Variants in COG5 observed in about 807,000 individuals in gnomAD.
COG5 encodes conserved oligomeric Golgi complex subunit 5.
Under a neutral mutation model 110.4 loss-of-function variants are expected in COG5, and 86 were observed. That is an observed-to-expected ratio of 0.78 (90% confidence interval 0.65 to 0.93). COG5 has a LOEUF of 0.93. COG5 is among the 40% of genes least tolerant of loss of function. The probability of loss-of-function intolerance (pLI) is 0.00; values close to 1 mark genes in which losing one functional copy is unlikely to be tolerated. For synonymous variants in COG5, 360 were observed against 334.6 expected (o/e 1.08, Z -0.83); for missense variants, 1,077 against 987.0 (o/e 1.09, Z -1.22).
At chr7:107,317,387 A>C (rs1808853135) in intron 11 of COG5, among the ~76,000 whole-genome samples, 1 of 152,212 alleles carries the variant, frequency 6.6e-6, no homozygotes, top group Non-Finnish European at 1.5e-5. Context: ...TTGAGTATTC[A>C]GCAAAGCACT....
intron 6 of COG5, among the ~76,000 whole-genome samples, chr7:107,439,464 A>G (rs1794577703): frequency 1.3e-5 from 2 of 152,116 alleles, no homozygotes; most frequent in African/African-American, 2.4e-5. Flanking sequence ...TTTTCTAAAT[A>G]CATTACTTTT....
intron 6 of COG5, among the ~76,000 whole-genome samples, chr7:107,485,673 T>C (rs1797618048): frequency 6.6e-6 from 1 of 152,076 alleles, no homozygotes; most frequent in Non-Finnish European, 1.5e-5. Context: ...CTGAAAAAAA[T>C]TATAAAAGCA....
intron 11 of COG5, among the ~76,000 whole-genome samples, chr7:107,306,391 T>C (rs931668251): frequency 1.3e-5 from 2 of 152,144 alleles, no homozygotes; most frequent in Admixed American, 6.6e-5. Context: ...CTAAAGCTAA[T>C]TGTAAATAAA....
chr7:107,554,438 G>A (rs925387587), intron 2 of COG5, 96 bp from the exon 3 acceptor site: 19 of 1,090,864 alleles, frequency 1.7e-5, no homozygotes, highest in Middle Eastern at 2.0e-4. Flanking sequence ...GTGTAGAAAC[G>A]AGGCAAATAC....
chr7:107,203,587 C>T lies in COG5; in HGVS notation c.2419G>A (p.Gly807Ser). Residue 807 changes from glycine to serine, a missense_variant, in exon 22 of 22, where the codon GGC becomes AGC. Gly to Ser is a moderately conservative substitution (Grantham distance 56, BLOSUM62 0). Coordinates refer to ENST00000297135, the MANE Select transcript of COG5 (RefSeq NM_006348.5). Reference sequence around the variant, plus strand: ...GGATAAACTGGTGCAAATTCTTTGCCTTCTCTACTTCTCACTGATTGAACA... The same window carrying T: ...GGATAAACTGGTGCAAATTCTTTGCTTTCTCTACTTCTCACTGATTGAACA... ...AYVQSVRSREGKEFAPVYPIM... is the reference protein window; with the variant it reads ...AYVQSVRSRESKEFAPVYPIM... 6.2e-7 allele frequency: 1 copy of T among 1,614,096 alleles called. No homozygotes were observed. Among genetic ancestry groups the T allele is most frequent in the South Asian group, 1.1e-5 (1 of 91,084 alleles).
In COG5 at chr7:107,556,588, C is replaced by T. The variant is rs559876735; in HGVS notation, c.234+1388G>A. ...TGAGAACTCTAGACAAAACTAAATA[C>T]ATTATCCCCGCTCTCATAAACAACT... On this transcript the variant is annotated intron_variant, in intron 2 of 21. Transcript: ENST00000297135. Among the ~76,000 whole-genome samples, 11 of 152,284 alleles carry T rather than the reference C, an allele frequency of 7.2e-5. No individual in the cohort carries two copies. In the East Asian group the frequency reaches 1.3e-3, roughly 19 times the overall value.
At chr7:107,376,809 C>A (rs1007735185) in intron 7 of COG5, among the ~76,000 whole-genome samples, 3 of 151,922 alleles carry the variant, frequency 2.0e-5, no homozygotes, top group Admixed American at 2.0e-4. Context: ...AAGATACTGG[C>A]TTGCTAAGAG....
intron 3 of COG5, among the ~76,000 whole-genome samples, chr7:107,551,400 AT>A (rs904510446): frequency 6.6e-6 from 1 of 152,212 alleles, no homozygotes; most frequent in Admixed American, 6.5e-5. Context: ...TAAAAAGAAC[AT>A]TTTTAAATAA....
intron 7 of COG5, among the ~76,000 whole-genome samples, chr7:107,395,023 A>G (rs1163014430): frequency 6.6e-6 from 1 of 152,240 alleles, no homozygotes; most frequent in Admixed American, 6.5e-5. Flanking sequence ...AAATTCTGCA[A>G]AGTGACTCAG....
chr7:107,332,615 A>G (rs1403699051), intron 10 of COG5, among the ~76,000 whole-genome samples: 1 of 152,130 alleles, frequency 6.6e-6, no homozygotes, highest in African/African-American at 2.4e-5. Context: ...ACATGGTCTG[A>G]GAAGTGGGCA....
At chr7:107,555,752 C>A (rs554416539) in intron 2 of COG5, among the ~76,000 whole-genome samples, 2 of 152,030 alleles carry the variant, frequency 1.3e-5, no homozygotes, top group Non-Finnish European at 2.9e-5. Context: ...TGGCTCACAC[C>A]TGTAATCCCA....
At chr7:107,323,814 C>T (rs542686308) in intron 11 of COG5, among the ~76,000 whole-genome samples, 1 of 152,264 alleles carries the variant, frequency 6.6e-6, no homozygotes, top group South Asian at 2.1e-4. Context: ...GAACTCTTAA[C>T]ACTTTTTAAA....
At chr7:107,339,343 AC>A (rs1268921592) in intron 10 of COG5, among the ~76,000 whole-genome samples, 1 of 152,158 alleles carries the variant, frequency 6.6e-6, no homozygotes, top group Non-Finnish European at 1.5e-5. Flanking sequence ...ATATACATCC[AC>A]CCAACATTGG....
intron 6 of COG5, among the ~76,000 whole-genome samples, chr7:107,418,088 C>T (rs973521985): frequency 3.3e-5 from 5 of 151,966 alleles, no homozygotes; most frequent in Non-Finnish European, 7.4e-5. Context: ...TTTACAAAAG[C>T]AAATATCAAA....
chr7:107,298,308 G>T lies in COG5; in HGVS notation c.1147C>A (p.Pro383Thr). 6.2e-7 allele frequency: 1 copy of T among 1,613,346 alleles called. No individual in the cohort carries two copies. The highest frequency in any genetic ancestry group is 1.7e-5 in the Admixed American group (1 of 59,976). The change falls in exon 12 of 22, where the codon CCT (proline) becomes ACT (threonine). Residue 383 changes from proline (P) to threonine (T), a missense_variant. Physicochemically the swap from Pro to Thr is conservative, Grantham distance 38. Coordinates refer to ENST00000297135, the MANE Select transcript of COG5 (RefSeq NM_006348.5). The stretch of plus-strand genomic sequence containing the variant: ...TCATTATAAAGACGTAATAATTTAG[G>T]GTATTCTCCTTCAAATGCCTGCTTC... ...FLKQAFEGEY[P>T]KLLRLYNDLW...
chr7:107,318,047 G>T (rs1028245966), intron 11 of COG5, among the ~76,000 whole-genome samples: 1 of 150,640 alleles, frequency 6.6e-6, no homozygotes, highest in Non-Finnish European at 1.5e-5. Context: ...TCTTTTTTTT[G>T]ATACAGAGGT....
At chr7:107,241,030 T>A (rs187335521) in intron 17 of COG5, among the ~76,000 whole-genome samples, 2 of 152,332 alleles carry the variant, frequency 1.3e-5, no homozygotes, top group East Asian at 3.9e-4. Context: ...TGGCAACCTA[T>A]CAGTTGAAGA....
At chr7:107,382,656 C>T (rs2129053477) in intron 7 of COG5, among the ~76,000 whole-genome samples, 1 of 152,220 alleles carries the variant, frequency 6.6e-6, no homozygotes, top group South Asian at 2.1e-4. Flanking sequence ...CCAGGCTTGT[C>T]TTGAACTCCT....
At chr7:107,445,086 T>TC (rs2129088936) in intron 6 of COG5, among the ~76,000 whole-genome samples, 1 of 151,698 alleles carries the variant, frequency 6.6e-6, no homozygotes, top group African/African-American at 2.4e-5. Context: ...GAGATAGGAG[T>TC]ATCTCAGGAG....
Sources: gnomAD v4.1 joint callset for allele counts (sites outside exome capture counted in the v4.1 genomes callset) on GRCh38, gnomAD v4.1.1 for gene constraint, MANE v1.5 for transcripts, NCBI Gene and HGNC (gene_info 2026-07-23, HGNC 2026-07-21) for gene names.